Variants in NFKBIE observed in about 807,000 individuals in gnomAD.
The protein encoded by NFKBIE is NFKB inhibitor epsilon.
NFKBIE carries 11 observed loss-of-function variants against 31.6 expected under a neutral mutation model. That is an observed-to-expected ratio of 0.35 (90% CI 0.22 to 0.58). The LOEUF (loss-of-function observed/expected upper bound fraction) is 0.58. NFKBIE is among the 20% of genes least tolerant of loss of function. NFKBIE has a pLI of 0.83. For missense variants in NFKBIE, 354 were observed against 465.7 expected, an observed-to-expected ratio of 0.76 and a Z score of 2.21; for synonymous variants, 208 against 210.1, an observed-to-expected ratio of 0.99 and a Z score of 0.09.
chr6:44,265,244 C>T lies in NFKBIE; in HGVS notation c.103G>A (p.Ala35Thr). The T allele has an allele frequency of 6.4e-7, 1 of 1,552,732 alleles. No homozygotes were observed. The highest frequency in any genetic ancestry group is 8.7e-7 in the Non-Finnish European group (1 of 1,147,774). The change falls in exon 1 of 6, where the codon GCT (alanine) becomes ACT (threonine). Residue 35 changes from alanine (A) to threonine (T), a missense_variant. Physicochemically the swap from Ala to Thr is moderately conservative, Grantham distance 58. Transcript: ENST00000619360. ...SLRSLPESTS[A>T]PASGPSDGSP... The stretch of plus-strand genomic sequence containing the variant: ...CCGTCCGAGGGCCCGGAGGCTGGAG[C>T]CGAGGTGGACTCGGGTAGGGAGCGC...
chr6:44,260,864 C>CACACACAG lies in NFKBIE; in HGVS notation c.692-326_692-325insCTGTGTGT, dbSNP rs1554142189. ...ACACACACACACACACATACAGACA[C>CACACACAG]ACACACACACACACACACACACACA... On this transcript the variant is annotated intron_variant, in intron 3 of 5. Coordinates refer to ENST00000619360, the MANE Select transcript of NFKBIE (RefSeq NM_004556.3). The surrounding 1 kb of genome is among the most constrained non-coding windows in gnomAD (Gnocchi z 5.5). 0.08 allele frequency among the ~76,000 whole-genome samples: 8,528 copies of CACACACAG among 107,056 alleles called. 404 individuals carry two copies. Among genetic ancestry groups the CACACACAG allele is most frequent in the East Asian group, 0.2 (886 of 4,438 alleles). The allele number at this position is 107,056 out of a possible 152,430, so 70.2% of individuals were successfully genotyped here.
Position 44,260,286 on chromosome 6 carries a change from G to A in NFKBIE, c.781-4C>T, listed in dbSNP as rs1420397367. 6.2e-7 allele frequency: 1 copy of A among 1,608,050 alleles called. No homozygotes were observed. Among genetic ancestry groups the A allele is most frequent in the Non-Finnish European group, 8.5e-7 (1 of 1,175,024 alleles). Reference sequence around the variant, plus strand: ...CTGTCTTACCACTGGTGCCCTCCTGGGGAGGAATAAGGATGTCAGCCAAGG... The same window carrying A: ...CTGTCTTACCACTGGTGCCCTCCTGAGGAGGAATAAGGATGTCAGCCAAGG... On this transcript the variant is annotated splice_polypyrimidine_tract_variant and splice_region_variant and intron_variant, in intron 4 of 5. Coordinates refer to ENST00000619360, the MANE Select transcript of NFKBIE (RefSeq NM_004556.3). This position sits in a 1 kb window ranked among gnomAD's most constrained non-coding sequence, Gnocchi z 5.5.
Position 44,261,677 on chromosome 6 carries a change from G to A in NFKBIE, c.640C>T (p.Pro214Ser). 1.9e-6 allele frequency: 3 copies of A among 1,614,220 alleles called. No individual in the cohort carries two copies. The highest frequency in any genetic ancestry group is 3.3e-5 in the Admixed American group (2 of 60,030). Residue 214 changes from proline (P) to serine (S), a missense_variant, in exon 3 of 6, where the codon CCA becomes TCA. Transcript: ENST00000619360. This position sits in a 1 kb window ranked among gnomAD's most constrained non-coding sequence, Gnocchi z 4.3. ...ARCLLEGRPE[P>S]GRGTSHSLDL... Reference sequence around the variant, plus strand: ...AGAGAGTGAGATGTTCCTCTGCCTGGCTCTGGCCGCCCTTCCAGCAGGCAG... The same window carrying A: ...AGAGAGTGAGATGTTCCTCTGCCTGACTCTGGCCGCCCTTCCAGCAGGCAG...
In NFKBIE at chr6:44,263,818, T is replaced by A. The variant is rs1782015526; in HGVS notation, c.366-1156A>T. ...CACCCAATCTGGACACAACACCTGC[T>A]TCTAACTAGAGATGGAAAAGGCTGG... is the stretch of plus-strand genomic sequence containing the variant. On this transcript the variant is annotated intron_variant, in intron 1 of 5. Transcript: ENST00000619360. This position sits in a 1 kb window ranked among gnomAD's most constrained non-coding sequence, Gnocchi z 5.0. 6.6e-6 allele frequency among the ~76,000 whole-genome samples: 1 copy of A among 152,110 alleles called. No homozygotes were observed. The highest frequency in any genetic ancestry group is 2.4e-5 in the African/African-American group (1 of 41,404).
chr6:44,260,424 C>T lies in NFKBIE; in HGVS notation c.780+27G>A, dbSNP rs776480611. On this transcript the variant is annotated intron_variant, in intron 4 of 5. Coordinates refer to ENST00000619360, the MANE Select transcript of NFKBIE (RefSeq NM_004556.3). This position sits in a 1 kb window ranked among gnomAD's most constrained non-coding sequence, Gnocchi z 5.5. ...TGTCAGGTGGGGGCAGGCCCTGGGC[C>T]GGGCAGTGCTTTGCTGGCTGTCTCA... The T allele has an allele frequency of 5.9e-5, 96 of 1,613,714 alleles. No individual in the cohort carries two copies. Among genetic ancestry groups the T allele is most frequent in the Middle Eastern group, 1.6e-4 (1 of 6,078 alleles).
rs151240229 is a variant in NFKBIE at position 44,261,803 on chromosome 6, G to A, written c.514C>T (p.Arg172Trp). The change falls in exon 3 of 6, where the codon CGG becomes TGG. Residue 172 changes from arginine (R) to tryptophan (W), a missense_variant. Transcript: ENST00000619360. The surrounding 1 kb of genome is among the most constrained non-coding windows in gnomAD (Gnocchi z 4.3). ...AVHLDQPGAV[R>W]ALVLKGASRA... is the part of the protein sequence containing the mutation. The stretch of plus-strand genomic sequence containing the variant: ...CTGGCCCCCTTCAGCACCAGTGCCC[G>A]AACTGCGCCCGGTTGGTCCAGATGT... The A allele has an allele frequency of 4.7e-4, 763 of 1,612,838 alleles. 1 individual carries two copies. Among genetic ancestry groups the A allele is most frequent in the Non-Finnish European group, 6.2e-4 (731 of 1,180,026 alleles).
In NFKBIE at chr6:44,259,052, A is replaced by G. The variant is rs1315378972; in HGVS notation, c.*167T>C. The G allele has an allele frequency of 3.4e-6, 2 of 595,416 alleles. No homozygotes were observed. Among genetic ancestry groups the G allele is most frequent in the Non-Finnish European group, 5.9e-6 (2 of 336,890 alleles). 36.9% of individuals were successfully genotyped at this position (595,416 alleles called of 1,614,324 possible). Reference sequence around the variant, plus strand: ...TCCAGACTGGCTCTCTTCCACTTGCAGTCCCTCCTCCTCGGCTCAGGACTG... The same window carrying G: ...TCCAGACTGGCTCTCTTCCACTTGCGGTCCCTCCTCCTCGGCTCAGGACTG... On this transcript the variant is annotated 3_prime_UTR_variant, in exon 6 of 6. Coordinates refer to ENST00000619360, the MANE Select transcript of NFKBIE (RefSeq NM_004556.3).
chr6:44,260,846 CACACACACATACAG>C lies in NFKBIE; in HGVS notation c.692-321_692-308del, dbSNP rs1168761290. Among the ~76,000 whole-genome samples the C allele has an allele frequency of 0.023, 2,061 of 89,540 alleles. 37 individuals carry two copies. Among genetic ancestry groups the C allele is most frequent in the Non-Finnish European group, 0.031 (1,363 of 43,796 alleles). 58.7% of individuals were successfully genotyped at this position (89,540 alleles called of 152,430 possible). A position where few individuals can be genotyped will look rare whatever the true frequency, so the allele number is the denominator to read the frequency against. Reference sequence around the variant, plus strand: ...ACTACAACACACACACACACACACACACACACACATACAGACACACACACACACACACACACACA... The same window carrying C: ...ACTACAACACACACACACACACACACACACACACACACACACACACACACA... On this transcript the variant is annotated intron_variant, in intron 3 of 5. Coordinates refer to ENST00000619360, the MANE Select transcript of NFKBIE (RefSeq NM_004556.3). This position sits in a 1 kb window ranked among gnomAD's most constrained non-coding sequence, Gnocchi z 5.5.
Position 44,260,603 on chromosome 6 carries a change from G to C in NFKBIE, c.692-64C>G. 1 of 1,499,678 alleles carries C rather than the reference G, an allele frequency of 6.7e-7. No homozygotes were observed. The highest frequency in any genetic ancestry group is 1.1e-5 in the South Asian group (1 of 88,366). The allele number at this position is 1,499,678 out of a possible 1,614,324, so 92.9% of individuals were successfully genotyped here. On this transcript the variant is annotated intron_variant, in intron 3 of 5. Transcript: ENST00000619360. The surrounding 1 kb of genome is among the most constrained non-coding windows in gnomAD (Gnocchi z 5.5). Reference sequence around the variant, plus strand: ...TGCATCCACCAACTCCCTCTCTTCTGGGACCTCCCTACCACTCAGCCCCAA... The same window carrying C: ...TGCATCCACCAACTCCCTCTCTTCTCGGACCTCCCTACCACTCAGCCCCAA...
In NFKBIE at chr6:44,260,084, G is replaced by A. The variant is rs1272375224; in HGVS notation, c.979C>T (p.Arg327Trp). ...LCKAGADSLL[R>W]NVEDETPQDL... ...TGGGGCGTCTCATCCTCCACATTCCGCAGCAGGGAGTCAGCACCCGCCTTG... is the reference window on the plus strand; with the variant it reads ...TGGGGCGTCTCATCCTCCACATTCCACAGCAGGGAGTCAGCACCCGCCTTG... The change falls in exon 5 of 6, where the codon CGG (arginine) becomes TGG (tryptophan). Residue 327 changes from arginine to tryptophan, a missense_variant. By Grantham distance (101) the Arg-to-Trp change is moderately radical. Transcript: ENST00000619360. This position sits in a 1 kb window ranked among gnomAD's most constrained non-coding sequence, Gnocchi z 5.5. 1.1e-5 allele frequency: 18 copies of A among 1,614,190 alleles called. No homozygotes were observed. Among genetic ancestry groups the A allele is most frequent in the East Asian group, 2.2e-5 (1 of 44,880 alleles).
At position 44,260,826 on chromosome 6, in the gene NFKBIE, A is replaced by AACACACACACACACACAC. The variant is rs369958691; in HGVS notation, c.692-305_692-288dup. Among the ~76,000 whole-genome samples, 2,017 of 118,954 alleles carry AACACACACACACACACAC rather than the reference A, an allele frequency of 0.017. 32 individuals carry two copies. Among genetic ancestry groups the AACACACACACACACACAC allele is most frequent in the Non-Finnish European group, 0.026 (1,439 of 55,556 alleles). 78.0% of individuals were successfully genotyped at this position (118,954 alleles called of 152,430 possible). A position where few individuals can be genotyped will look rare whatever the true frequency, so the allele number is the denominator to read the frequency against. On this transcript the variant is annotated intron_variant, in intron 3 of 5. Transcript: ENST00000619360. This position sits in a 1 kb window ranked among gnomAD's most constrained non-coding sequence, Gnocchi z 5.5. ...CACCCTCCTCCTATACACAAACTAC[A>AACACACACACACACACAC]ACACACACACACACACACACACACA...
chr6:44,264,064 T>A (rs773422583), intron 1 of NFKBIE, among the ~76,000 whole-genome samples: 11 of 152,070 alleles, frequency 7.2e-5, no homozygotes, highest in Non-Finnish European at 1.3e-4. Flanking sequence ...ACCCTGCATC[T>A]CCAAAAAGCA....
chr6:44,262,210 A>G (rs1401569762), intron 2 of NFKBIE, among the ~76,000 whole-genome samples: 2 of 152,170 alleles, frequency 1.3e-5, no homozygotes, highest in Non-Finnish European at 2.9e-5. Context: ...GGCACCGGGC[A>G]GTCTCTCCCT....
chr6:44,264,447 C>A (rs1346188232), intron 1 of NFKBIE, among the ~76,000 whole-genome samples: 11 of 152,180 alleles, frequency 7.2e-5, no homozygotes, highest in African/African-American at 2.7e-4. Context: ...GCTGGGGCAG[C>A]CAGCCGCCTG....
chr6:44,262,727 G>A (rs1020405897), intron 1 of NFKBIE, 65 bp from the exon 2 acceptor site: 3 of 1,256,032 alleles, frequency 2.4e-6, no homozygotes, highest in Non-Finnish European at 3.5e-6. Flanking sequence ...TTGGGGTCTT[G>A]GAGTTAGAAG....
rs755793010 is a variant in NFKBIE at position 44,261,840 on chromosome 6, G to C, written c.477C>G (p.Leu159=). Residue 159 remains leucine (L), a synonymous_variant, in exon 3 of 6, where the codon CTC becomes CTG. Coordinates refer to ENST00000619360, the MANE Select transcript of NFKBIE (RefSeq NM_004556.3). The surrounding 1 kb of genome is among the most constrained non-coding windows in gnomAD (Gnocchi z 4.3). ...GTTGGTCCAGATGTACAGCCAGATG[G>C]AGTGCTGTCTGGAGGCACAAATAGA... ...DIQNNLYQTA[L]HLAVHLDQPG... 6.2e-7 allele frequency: 1 copy of C among 1,609,568 alleles called. No homozygotes were observed. The highest frequency in any genetic ancestry group is 8.5e-7 in the Non-Finnish European group (1 of 1,179,660).
In NFKBIE at chr6:44,263,886, C is replaced by G. The variant is rs1782017171; in HGVS notation, c.365+1096G>C. Among the ~76,000 whole-genome samples, 1 of 152,204 alleles carries G rather than the reference C, an allele frequency of 6.6e-6. No homozygotes were observed. The highest frequency in any genetic ancestry group is 1.5e-5 in the Non-Finnish European group (1 of 68,036). ...AAGACGGCAATGTCAAAAGTCCCCT[C>G]TCCTTGGATCAAAGGTCATCAGAGG... is the stretch of plus-strand genomic sequence containing the variant. On this transcript the variant is annotated intron_variant, in intron 1 of 5. Transcript: ENST00000619360. The surrounding 1 kb of genome is among the most constrained non-coding windows in gnomAD (Gnocchi z 5.0).
Position 44,265,421 on chromosome 6 carries a change from G to T in NFKBIE, c.-75C>A. 1 of 1,542,106 alleles carries T rather than the reference G, an allele frequency of 6.5e-7. No individual in the cohort carries two copies. The highest frequency in any genetic ancestry group is 8.7e-7 in the Non-Finnish European group (1 of 1,150,924). On this transcript the variant is annotated 5_prime_UTR_variant, in exon 1 of 6. Transcript: ENST00000619360. ...AGGCTCCGCCGCGCCGCCTTTCCGG[G>T]TTGCGGGTCCGCTTGGCAGAGCGGG...
Position 44,265,387 on chromosome 6 carries a change from T to A in NFKBIE, c.-41A>T. ...CGGCCGGGGCCCGGTCTGAGCAGGA[T>A]CCGGCTCCAGGCTCCGCCGCGCCGC... On this transcript the variant is annotated 5_prime_UTR_variant, in exon 1 of 6. Transcript: ENST00000619360. 1 of 1,560,828 alleles carries A rather than the reference T, an allele frequency of 6.4e-7. No individual in the cohort carries two copies. The highest frequency in any genetic ancestry group is 8.6e-7 in the Non-Finnish European group (1 of 1,160,600).
Sources: gnomAD v4.1 joint callset for allele counts (sites outside exome capture counted in the v4.1 genomes callset) on GRCh38, gnomAD v4.1.1 for gene constraint, Gnocchi (gnomAD v3.1) non-coding constraint, MANE v1.5 for transcripts, NCBI Gene and HGNC (gene_info 2026-07-23, HGNC 2026-07-21) for gene names.